IKBKB-DT: variants seen among roughly 807,000 people sequenced by gnomAD.
IKBKB-DT encodes IKBKB divergent transcript.
intron 3 of IKBKB-DT, among the ~76,000 whole-genome samples, chr8:42,250,651 G>T (rs1250135373): frequency 6.6e-6 from 1 of 152,184 alleles, no homozygotes; most frequent in East Asian, 1.9e-4. Flanking sequence ...GTGAGGAGGT[G>T]GGGGCAGGGA....
At chr8:42,245,447 T>C (rs1040766268) in intron 3 of IKBKB-DT, among the ~76,000 whole-genome samples, 3 of 152,232 alleles carry the variant, frequency 2.0e-5, no homozygotes, top group African/African-American at 4.8e-5. Flanking sequence ...CAAAGGCTGA[T>C]TGACAGGCCC....
At chr8:42,258,701 C>G (rs1187430143) in intron 3 of IKBKB-DT, among the ~76,000 whole-genome samples, 2 of 152,090 alleles carry the variant, frequency 1.3e-5, no homozygotes, top group Non-Finnish European at 2.9e-5. Flanking sequence ...ATCTCCTGAC[C>G]TGGTGATCCG....
At chr8:42,247,230 C>T (rs1215182473) in intron 3 of IKBKB-DT, among the ~76,000 whole-genome samples, 1 of 152,194 alleles carries the variant, frequency 6.6e-6, no homozygotes, top group Non-Finnish European at 1.5e-5. Flanking sequence ...GGCCATGCAT[C>T]AGCGTGTTTT....
chr8:42,249,236 GC>G (rs891363235), intron 3 of IKBKB-DT: 1 of 152,000 alleles, frequency 6.6e-6, no homozygotes, highest in Non-Finnish European at 1.5e-5. Flanking sequence ...AGGTATGATG[GC>G]ACGTGCCTGT....
At chr8:42,245,650 C>T (rs1198983051) in intron 3 of IKBKB-DT, among the ~76,000 whole-genome samples, 1 of 152,168 alleles carries the variant, frequency 6.6e-6, no homozygotes, top group African/African-American at 2.4e-5. Flanking sequence ...GTTCTGTAAT[C>T]ATTATAGAAT....
chr8:42,253,265 C>A (rs753152212), intron 3 of IKBKB-DT, among the ~76,000 whole-genome samples: 2 of 152,184 alleles, frequency 1.3e-5, no homozygotes, highest in Non-Finnish European at 2.9e-5. Context: ...TTACCTATAG[C>A]CTGAAAGCCC....
intron 3 of IKBKB-DT, among the ~76,000 whole-genome samples, chr8:42,254,686 C>T (rs1807172275): frequency 1.3e-5 from 2 of 149,342 alleles, no homozygotes; most frequent in South Asian, 4.3e-4. Context: ...AGGGCCTCTG[C>T]CTGGCCTCCC....
rs188223501 is a variant in IKBKB-DT, at chr8:42,239,927, C to A, written n.1530-6068G>T. Among the ~76,000 whole-genome samples, 591 of 152,008 alleles carry A rather than the reference C, an allele frequency of 3.9e-3. 4 individuals are homozygous for A. The highest frequency in any genetic ancestry group is 0.017 in the Middle Eastern group (5 of 294). ...GTGTTGGGATTATAGGCATGAGCCA[C>A]CGTGCCTGGCCGTAAAAGGCAATTT... On this transcript the variant is annotated intron_variant and non_coding_transcript_variant, in intron 3 of 3. Transcript: ENST00000518213.
intron 3 of IKBKB-DT, among the ~76,000 whole-genome samples, chr8:42,239,636 T>TATATATATCTATATATA (rs55662464): frequency 3.5e-5 from 1 of 28,194 alleles, no homozygotes; most frequent in Non-Finnish European, 7.1e-5. Context: ...ATATATATAT[T>TATATATATCTATATATA]TATTTATTTA....
intron 3 of IKBKB-DT, among the ~76,000 whole-genome samples, chr8:42,261,614 T>A (rs532585803): frequency 1.2e-3 from 176 of 152,350 alleles, no homozygotes; most frequent in African/African-American, 4.0e-3. Flanking sequence ...CAAACAACTT[T>A]TGTAATTCTC....
At chr8:42,269,743 G>C (rs778020576) in intron 1 of IKBKB-DT, among the ~76,000 whole-genome samples, 7 of 152,044 alleles carry the variant, frequency 4.6e-5, no homozygotes, top group Non-Finnish European at 7.4e-5. Context: ...CTATGTTTGG[G>C]TTGAGATCTG....
chr8:42,264,903 C>T (rs964837460), intron 2 of IKBKB-DT, among the ~76,000 whole-genome samples: 5 of 150,866 alleles, frequency 3.3e-5, no homozygotes, highest in African/African-American at 1.2e-4. Flanking sequence ...ACTCTTGTCA[C>T]CCAGGCTGGA....
intron 3 of IKBKB-DT, among the ~76,000 whole-genome samples, chr8:42,260,960 A>G (rs892913432): frequency 2.0e-5 from 3 of 152,196 alleles, no homozygotes; most frequent in East Asian, 3.9e-4. Flanking sequence ...TCCCATAGAC[A>G]GCCAAGGGAA....
intron 3 of IKBKB-DT, among the ~76,000 whole-genome samples, chr8:42,258,375 G>T: frequency 6.6e-6 from 1 of 151,916 alleles, no homozygotes; most frequent in Non-Finnish European, 1.5e-5. Flanking sequence ...GAACTCCTGG[G>T]CTCAAGCAAT....
Position 42,241,224 on chromosome 8 carries a change from C to CTTTT in IKBKB-DT, n.1530-7369_1530-7366dup, listed in dbSNP as rs773177896. Reference sequence around the variant, plus strand: ...TTGATGCCTTTAGATATGTTGGAATCTTTTTTTTTTTTTTTTTTTTTTTTT... The same window carrying CTTTT: ...TTGATGCCTTTAGATATGTTGGAATCTTTTTTTTTTTTTTTTTTTTTTTTTTTTT... On this transcript the variant is annotated intron_variant and non_coding_transcript_variant, in intron 3 of 3. Coordinates refer to ENST00000518213, the Ensembl canonical transcript of IKBKB-DT. 4.4e-3 allele frequency among the ~76,000 whole-genome samples: 200 copies of CTTTT among 45,696 alleles called. 70 individuals are homozygous for CTTTT. The highest frequency in any genetic ancestry group is 0.021 in the East Asian group (14 of 674). The allele number at this position is 45,696 out of a possible 152,430, so 30.0% of individuals were successfully genotyped here. A position where few individuals can be genotyped will look rare whatever the true frequency, so the allele number is the denominator to read the frequency against.
chr8:42,257,321 G>A (rs1451712999), intron 3 of IKBKB-DT, among the ~76,000 whole-genome samples: 6 of 151,602 alleles, frequency 4.0e-5, no homozygotes, highest in African/African-American at 1.5e-4. Context: ...GGCCAACATG[G>A]TGAAACCCCA....
intron 3 of IKBKB-DT, among the ~76,000 whole-genome samples, chr8:42,244,518 G>A (rs1585461301): frequency 6.6e-6 from 1 of 152,062 alleles, no homozygotes; most frequent in East Asian, 1.9e-4. Context: ...GTATTCCTGT[G>A]CTGATTAATA....
At chr8:42,253,626 C>A (rs980106360) in intron 3 of IKBKB-DT, among the ~76,000 whole-genome samples, 1 of 152,204 alleles carries the variant, frequency 6.6e-6, no homozygotes, top group Non-Finnish European at 1.5e-5. Context: ...GAACTAGAAT[C>A]TAGTCACAGG....
rs561031374 is a variant in IKBKB-DT, at chr8:42,268,185, AGTGCAATGGCACGATCTCG to A, written n.604-1808_604-1790del. On this transcript the variant is annotated intron_variant and non_coding_transcript_variant, in intron 1 of 3. Transcript: ENST00000518213. The stretch of plus-strand genomic sequence containing the variant: ...GTTTTGCTCTTGTCGCCCAGGCTGG[AGTGCAATGGCACGATCTCG>A]GCTCACTGCAACCTCTGCCTCCTGG... Among the ~76,000 whole-genome samples the A allele has an allele frequency of 4.3e-4, 60 of 141,078 alleles. 1 individual carries two copies. The East Asian group carries it at 4.3e-3, about 10-fold the overall frequency. 92.6% of individuals were successfully genotyped at this position (141,078 alleles called of 152,430 possible). A position where few individuals can be genotyped will look rare whatever the true frequency, so the allele number is the denominator to read the frequency against.
Sources: allele counts gnomAD v4.1 joint callset (sites outside exome capture counted in the v4.1 genomes callset), GRCh38; gene constraint gnomAD v4.1.1; transcripts MANE v1.5; gene names NCBI Gene and HGNC (gene_info 2026-07-23, HGNC 2026-07-21).